Variants in CUL2 observed in about 807,000 individuals in gnomAD.
CUL2 encodes cullin 2.
CUL2 carries 22 observed loss-of-function variants against 110.2 expected under a neutral mutation model. The ratio of observed to expected loss-of-function variants is 0.20; its 90% CI spans 0.14 to 0.28. The LOEUF is 0.28. Among genes scored for constraint, CUL2 ranks in the 10% least tolerant of loss-of-function variants. The pLI is 1.00. For missense variants in CUL2, 631 were observed against 905.5 expected, an observed-to-expected ratio of 0.70 and a Z score of 3.89; for synonymous variants, 279 against 293.2, an observed-to-expected ratio of 0.95 and a Z score of 0.49.
At chr10:35,105,283 G>A (rs1483476771) in intron 1 of CUL2, among the ~76,000 whole-genome samples, 1 of 151,646 alleles carries the variant, frequency 6.6e-6, no homozygotes, top group Non-Finnish European at 1.5e-5. Context: ...AAAATTAGCC[G>A]GGCGTGGTGG....
At chr10:35,095,857 G>A (rs1006351986) in intron 2 of CUL2, among the ~76,000 whole-genome samples, 4 of 151,932 alleles carry the variant, frequency 2.6e-5, no homozygotes, top group Non-Finnish European at 5.9e-5. Flanking sequence ...CACCAAGCCC[G>A]GCCAGTTATG....
intron 1 of CUL2, among the ~76,000 whole-genome samples, chr10:35,088,487 G>A (rs1418297325): frequency 6.9e-5 from 8 of 115,362 alleles, no homozygotes; most frequent in East Asian, 2.7e-4. Flanking sequence ...GTGACAGAGC[G>A]AGACTCCGCC....
chr10:35,078,366 G>T (rs1431869493), intron 1 of CUL2, among the ~76,000 whole-genome samples: 7 of 151,626 alleles, frequency 4.6e-5, no homozygotes, highest in Admixed American at 2.0e-4. Flanking sequence ...CATGATCTCG[G>T]CTCACCACAA....
At chr10:35,050,409 AAAGGATTTATGTTAAATG>A (rs1399748236) in intron 5 of CUL2, among the ~76,000 whole-genome samples, 1 of 152,250 alleles carries the variant, frequency 6.6e-6, no homozygotes, top group East Asian at 1.9e-4. Flanking sequence ...TAACAGAAAC[AAAGGATTTATGTTAAATG>A]AAATAATGTG....
intron 2 of CUL2, among the ~76,000 whole-genome samples, chr10:35,067,595 A>T (rs2086566474): frequency 6.6e-6 from 1 of 151,990 alleles, no homozygotes; most frequent in South Asian, 2.1e-4. Context: ...TACCAAAAAT[A>T]CAAAAATTAG....
At chr10:35,112,378 A>G (rs898573015) in intron 1 of CUL2, among the ~76,000 whole-genome samples, 6 of 152,184 alleles carry the variant, frequency 3.9e-5, no homozygotes, top group African/African-American at 1.4e-4. Flanking sequence ...GGGAAAACAG[A>G]GGTGACTCCT....
At position 35,071,686 on chromosome 10, in the gene CUL2, G is replaced by C. The variant is rs556774150; in HGVS notation, c.-22-347C>G. 3.9e-5 allele frequency among the ~76,000 whole-genome samples: 6 copies of C among 152,296 alleles called. No individual in the cohort carries two copies. The East Asian group carries it at 1.2e-3, about 29-fold the overall frequency. On this transcript the variant is annotated intron_variant, in intron 1 of 20. Transcript: ENST00000374749. ...GCCTCCCAAAGTGCTGGGATTACAG[G>C]CATGAACCATCACACCCGGCCAGTT... is the stretch of plus-strand genomic sequence containing the variant.
chr10:35,033,253 C>T lies in CUL2; in HGVS notation c.1023G>A (p.Glu341=), dbSNP rs751595627. The T allele has an allele frequency of 2.5e-6, 4 of 1,612,944 alleles. No individual in the cohort carries two copies. In the Admixed American group the frequency reaches 6.7e-5, roughly 27 times the overall value. Residue 341 remains glutamate (E), a synonymous_variant, in exon 11 of 21, where the codon GAG becomes GAA. Coordinates refer to ENST00000374749, the MANE Select transcript of CUL2 (RefSeq NM_003591.4). Reference sequence around the variant, plus strand: ...ATTTACCATGCACTTCCAAAACTGACTCCACAAATAGTGTTGGCATCTAAA... The same window carrying T: ...ATTTACCATGCACTTCCAAAACTGATTCCACAAATAGTGTTGGCATCTAAA... ...TQENMPTLFV[E]SVLEVHGKFV... is the part of the protein sequence containing the mutation.
In CUL2 at chr10:35,009,201, T is replaced by TATAA. The variant is rs1554851929; in HGVS notation, c.*1109_*1110insTTAT. On this transcript the variant is annotated 3_prime_UTR_variant, in exon 21 of 21. Transcript: ENST00000374749. Reference sequence around the variant, plus strand: ...CTGTTGAGATATATATATATATATATTATATATATATATATATATAAAATA... The same window carrying TATAA: ...CTGTTGAGATATATATATATATATATATAATATATATATATATATATATAAAATA... The TATAA allele has an allele frequency of 4.4e-5, 6 of 137,896 alleles. No homozygotes were observed. The highest frequency in any genetic ancestry group is 1.6e-4 in the African/African-American group (6 of 37,358). 8.5% of individuals were successfully genotyped at this position (137,896 alleles called of 1,614,324 possible). A position where few individuals can be genotyped will look rare whatever the true frequency, so the allele number is the denominator to read the frequency against.
chr10:35,074,158 T>C, intron 1 of CUL2: 1 of 1,531,828 alleles, frequency 6.5e-7, no homozygotes, highest in Non-Finnish European at 8.7e-7. Flanking sequence ...GAATCTCAGA[T>C]CTTGCCCTTA....
chr10:35,025,215 AAAAC>A lies in CUL2; in HGVS notation c.1618-21_1618-18del, dbSNP rs201561949. On this transcript the variant is annotated intron_variant, in intron 16 of 20. Coordinates refer to ENST00000374749, the MANE Select transcript of CUL2 (RefSeq NM_003591.4). ...TAATTCAAACTGTAAAAAAAAAAAA[AAAAC>A]ACACATTATTTTTAGCTACTATAAC... 3,571 of 1,560,890 alleles carry A rather than the reference AAAAC, an allele frequency of 2.3e-3. 46 individuals are homozygous for A. In the African/African-American group the frequency reaches 0.043, roughly 19 times the overall value.
intron 1 of CUL2, among the ~76,000 whole-genome samples, chr10:35,109,279 C>T (rs186816864): frequency 4.6e-5 from 7 of 152,094 alleles, no homozygotes; most frequent in African/African-American, 1.4e-4. Flanking sequence ...AAAACCTGAC[C>T]GTCATTTCAA....
chr10:35,041,902 T>C (rs2085800940), intron 8 of CUL2, among the ~76,000 whole-genome samples: 1 of 152,196 alleles, frequency 6.6e-6, no homozygotes, highest in African/African-American at 2.4e-5. Context: ...CCTCCTTCCC[T>C]TTTAACACCT....
At chr10:35,109,544 T>C (rs1209154150) in intron 1 of CUL2, among the ~76,000 whole-genome samples, 2 of 152,238 alleles carry the variant, frequency 1.3e-5, no homozygotes, top group African/African-American at 4.8e-5. Context: ...TGATGGGGGA[T>C]ACTACATTAG....
At position 35,090,250 on chromosome 10, in the gene CUL2, GC is replaced by G; in HGVS notation, c.-95del. 1 of 157,792 alleles carries G rather than the reference GC, an allele frequency of 6.3e-6. No homozygotes were observed. The highest frequency in any genetic ancestry group is 1.4e-5 in the Non-Finnish European group (1 of 71,980). 9.8% of individuals were successfully genotyped at this position (157,792 alleles called of 1,614,324 possible). ...GCAGCCCGAAGGAGTGAAAGACGAA[GC>G]CCCGGCGAGGAAGGTGGGCGGAGGC... On this transcript the variant is annotated 5_prime_UTR_variant, in exon 1 of 21. Transcript: ENST00000374749.
At chr10:35,014,568 C>T (rs911185598) in intron 18 of CUL2, among the ~76,000 whole-genome samples, 1 of 152,070 alleles carries the variant, frequency 6.6e-6, no homozygotes, top group Non-Finnish European at 1.5e-5. Context: ...CATGGTGGCT[C>T]ACGTCTGTAA....
intron 1 of CUL2, among the ~76,000 whole-genome samples, chr10:35,077,185 T>C (rs1382578846): frequency 6.6e-6 from 1 of 151,928 alleles, no homozygotes; most frequent in Non-Finnish European, 1.5e-5. Flanking sequence ...GAAGTACTGA[T>C]ACACACTATC....
At chr10:35,055,017 T>G (rs2086208106) in intron 4 of CUL2, among the ~76,000 whole-genome samples, 1 of 152,352 alleles carries the variant, frequency 6.6e-6, no homozygotes, top group Admixed American at 6.5e-5. Context: ...TGGGCAAGAT[T>G]GACAGATACA....
intron 16 of CUL2, 59 bp from the exon 17 acceptor site, chr10:35,025,257 T>C: frequency 6.6e-7 from 1 of 1,513,072 alleles, no homozygotes; most frequent in Non-Finnish European, 8.8e-7. Context: ...GCCTAGTTAA[T>C]TAACACAATA....
Sources: gnomAD v4.1 joint callset for allele counts (sites outside exome capture counted in the v4.1 genomes callset) on GRCh38, gnomAD v4.1.1 for gene constraint, MANE v1.5 for transcripts, NCBI Gene and HGNC (gene_info 2026-07-23, HGNC 2026-07-21) for gene names.